CSMD1: variants seen among roughly 807,000 people sequenced by gnomAD.
The protein encoded by CSMD1 is CUB and Sushi multiple domains 1, also known as CUB and sushi domain-containing protein 1.
Under a neutral mutation model 417.5 loss-of-function variants are expected in CSMD1, and 213 were observed. The observed-to-expected ratio is 0.51, with a 90% confidence interval of 0.46 to 0.57. CSMD1 has a LOEUF of 0.57. CSMD1 is among the 20% of genes least tolerant of loss of function. CSMD1 has a pLI of 0.00. For synonymous variants in CSMD1, 2,862 were observed against 1,736.8 expected (o/e 1.65, Z -16.11); for missense variants, 6,923 against 4,529.7 (o/e 1.53, Z -15.17).
chr8:4,565,510 G>T (rs1276564552), intron 2 of CSMD1, among the ~76,000 whole-genome samples: 1 of 151,890 alleles, frequency 6.6e-6, no homozygotes, highest in East Asian at 1.9e-4. Context: ...GGTCAAGGTG[G>T]GCGATCACAA....
intron 3 of CSMD1, among the ~76,000 whole-genome samples, chr8:4,390,258 C>A (rs1438214): frequency 1.3e-5 from 2 of 151,770 alleles, no homozygotes; most frequent in Non-Finnish European, 2.9e-5. Context: ...AAAGAAAAAC[C>A]AACTACTTTT....
chr8:3,331,820 C>A lies in CSMD1; in HGVS notation c.3631+11474G>T, dbSNP rs552822605. ...TATTGAATAGCAGTTACTCCTATTT[C>A]TTTATGTGTAAACTTGATTCATTTC... On this transcript the variant is annotated intron_variant, in intron 23 of 69. Transcript: ENST00000635120. Among the ~76,000 whole-genome samples, 3 of 152,128 alleles carry A rather than the reference C, an allele frequency of 2.0e-5. No homozygotes were observed. In the East Asian group the frequency reaches 5.8e-4, roughly 29 times the overall value.
intron 3 of CSMD1, among the ~76,000 whole-genome samples, chr8:4,033,932 G>C (rs927307962): frequency 5.3e-5 from 8 of 152,142 alleles, no homozygotes; most frequent in African/African-American, 1.9e-4. Flanking sequence ...TTTAAATTTA[G>C]TATGTCATCA....
intron 1 of CSMD1, among the ~76,000 whole-genome samples, chr8:4,963,988 A>G (rs1809684873): frequency 6.6e-6 from 1 of 152,194 alleles, no homozygotes. Context: ...TCAAATCCTA[A>G]AAGTTAAGCA....
chr8:3,448,822 C>T (rs1269745651), intron 12 of CSMD1, among the ~76,000 whole-genome samples: 1 of 152,198 alleles, frequency 6.6e-6, no homozygotes. Context: ...CTAAATGACA[C>T]AACTTCATGG....
chr8:3,149,104 G>C (rs1819032549), intron 40 of CSMD1, among the ~76,000 whole-genome samples: 2 of 151,988 alleles, frequency 1.3e-5, no homozygotes, highest in South Asian at 4.1e-4. Flanking sequence ...TCTTTAAATA[G>C]TTTGTTTAGG....
At chr8:3,704,859 T>G (rs1272048044) in intron 7 of CSMD1, 1 of 152,300 alleles carries the variant, frequency 6.6e-6, no homozygotes, top group African/African-American at 2.4e-5. Context: ...GCTGATGCCC[T>G]GACAGTGAGC....
intron 7 of CSMD1, among the ~76,000 whole-genome samples, chr8:3,678,591 G>T (rs1403682566): frequency 6.6e-6 from 1 of 152,154 alleles, no homozygotes; most frequent in African/African-American, 2.4e-5. Flanking sequence ...GGGGAGAATG[G>T]AAACAAGTTG....
At chr8:3,076,307 G>A (rs1250977331) in intron 49 of CSMD1, among the ~76,000 whole-genome samples, 2 of 73,796 alleles carry the variant, frequency 2.7e-5, no homozygotes, top group Admixed American at 2.2e-4. Flanking sequence ...TGTCTCTGCA[G>A]GCTAACTTCC....
intron 8 of CSMD1, among the ~76,000 whole-genome samples, chr8:3,607,797 A>T (rs1801692796): frequency 6.6e-6 from 1 of 152,192 alleles, no homozygotes; most frequent in Admixed American, 6.5e-5. Context: ...TTGTGGAAAG[A>T]CTCAAATGAG....
chr8:4,972,708 C>G (rs1443988252), intron 1 of CSMD1, among the ~76,000 whole-genome samples: 1 of 141,962 alleles, frequency 7.0e-6, no homozygotes, highest in Non-Finnish European at 1.6e-5. Flanking sequence ...AAAACTTTTG[C>G]TTTAGGTAAG....
rs556913030 is a variant in CSMD1, at chr8:4,143,742, G to C, written c.416-111643C>G. On this transcript the variant is annotated intron_variant, in intron 3 of 69. Transcript: ENST00000635120. ...GAAACATAGGAAGGAAGCTGTGAAA[G>C]GGGGGATTTATTAAAGCCAGAAAGC... 7.3e-5 allele frequency among the ~76,000 whole-genome samples: 11 copies of C among 151,276 alleles called. No individual in the cohort carries two copies. In the East Asian group the frequency reaches 2.1e-3, roughly 29 times the overall value.
At chr8:3,984,706 TATATATATATATATA>T (rs1814176364) in intron 5 of CSMD1, among the ~76,000 whole-genome samples, 9 of 47,270 alleles carry the variant, frequency 1.9e-4, no homozygotes, top group African/African-American at 5.8e-4. Context: ...GTATATATCA[TATATATATATATATA>T]TATATATATA....
At chr8:4,319,890 G>C (rs1049062029) in intron 3 of CSMD1, among the ~76,000 whole-genome samples, 1 of 152,142 alleles carries the variant, frequency 6.6e-6, no homozygotes, top group African/African-American at 2.4e-5. Flanking sequence ...CTGAGCTCAG[G>C]CTACAGAAAG....
intron 5 of CSMD1, among the ~76,000 whole-genome samples, chr8:3,911,535 A>AG (rs1808468599): frequency 1.3e-5 from 2 of 150,040 alleles, no homozygotes; most frequent in African/African-American, 4.9e-5. Context: ...CTCAAAATAA[A>AG]AAAAAAAAAA....
Position 4,186,373 on chromosome 8 carries a change from T to A in CSMD1, c.416-154274A>T, listed in dbSNP as rs998735354. ...GGCTGATTCCTATCTTCGTGTTGAA[T>A]GCAGCATCTCTGCTCACCCCAAGAC... is the stretch of plus-strand genomic sequence containing the variant. On this transcript the variant is annotated intron_variant, in intron 3 of 69. Coordinates refer to ENST00000635120, the MANE Select transcript of CSMD1 (RefSeq NM_033225.6). Among the ~76,000 whole-genome samples the A allele has an allele frequency of 2.6e-5, 4 of 152,280 alleles. No individual in the cohort carries two copies. In the South Asian group the frequency reaches 6.2e-4, roughly 24 times the overall value.
chr8:4,279,096 A>G (rs190144008), intron 3 of CSMD1, among the ~76,000 whole-genome samples: 2 of 152,046 alleles, frequency 1.3e-5, no homozygotes, highest in African/African-American at 2.4e-5. Flanking sequence ...ATTTTTTTTT[A>G]AAAAACACCA....
intron 3 of CSMD1, among the ~76,000 whole-genome samples, chr8:4,179,667 G>A (rs74991362): frequency 0.92 from 139,433 of 152,050 alleles, 63,969 homozygotes; most frequent in South Asian, 0.95. Context: ...GGAAATTTTC[G>A]CAATCTACTC....
chr8:4,578,332 A>ATTTCTTTTTTT (rs1799238876), intron 2 of CSMD1, among the ~76,000 whole-genome samples: 7 of 48,776 alleles, frequency 1.4e-4, no homozygotes, highest in African/African-American at 4.6e-4. Flanking sequence ...CACCCGGCTC[A>ATTTCTTTTTTT]TTTTTTTTTT....
Sources: allele counts gnomAD v4.1 joint callset (sites outside exome capture counted in the v4.1 genomes callset), GRCh38; gene constraint gnomAD v4.1.1; transcripts MANE v1.5; gene names NCBI Gene and HGNC (gene_info 2026-07-23, HGNC 2026-07-21).